Variants in NOS1AP observed in about 807,000 individuals in gnomAD.
NOS1AP encodes nitric oxide synthase 1 adaptor protein.
In NOS1AP, 21 loss-of-function variants were observed where a neutral mutation model predicts 56.2. The ratio of observed to expected loss-of-function variants is 0.37; its 90% CI spans 0.26 to 0.54. The LOEUF is 0.54. Ranked by LOEUF, NOS1AP falls within the 20% of genes least tolerant of loss-of-function variation. NOS1AP has a pLI of 0.84. For missense variants in NOS1AP, 522 were observed against 657.8 expected (o/e 0.79, Z 2.26); for synonymous variants, 270 against 274.6 (o/e 0.98, Z 0.17).
intron 1 of NOS1AP, among the ~76,000 whole-genome samples, chr1:162,152,726 G>A (rs894801974): frequency 6.6e-6 from 1 of 152,116 alleles, no homozygotes; most frequent in African/African-American, 2.4e-5. Flanking sequence ...AGCACAAACT[G>A]TTGATCAATA....
chr1:162,354,101 A>C (rs1392080803), intron 6 of NOS1AP, among the ~76,000 whole-genome samples: 3 of 152,218 alleles, frequency 2.0e-5, no homozygotes, highest in Non-Finnish European at 2.9e-5. Context: ...GTAGGTTTGC[A>C]TAGGAAAACT....
intron 2 of NOS1AP, among the ~76,000 whole-genome samples, chr1:162,162,599 TG>T (rs1171538894): frequency 6.6e-6 from 1 of 152,242 alleles, no homozygotes; most frequent in African/African-American, 2.4e-5. Context: ...ATTCCTGTTG[TG>T]AGCAGTGATA....
chr1:162,113,660 TAAAC>T (rs1478943538), intron 1 of NOS1AP, among the ~76,000 whole-genome samples: 1 of 152,080 alleles, frequency 6.6e-6, no homozygotes, highest in Non-Finnish European at 1.5e-5. Flanking sequence ...CACACACTTT[TAAAC>T]AACCACATCT....
intron 2 of NOS1AP, among the ~76,000 whole-genome samples, chr1:162,218,748 C>T (rs1652666752): frequency 6.6e-6 from 1 of 152,012 alleles, no homozygotes; most frequent in South Asian, 2.1e-4. Context: ...CAGGAGTGTC[C>T]CGGGCACCCT....
chr1:162,096,795 C>G (rs1007066921), intron 1 of NOS1AP, among the ~76,000 whole-genome samples: 2 of 152,082 alleles, frequency 1.3e-5, no homozygotes, highest in African/African-American at 4.8e-5. Flanking sequence ...AATCTTATTC[C>G]ATTGTATAGA....
At chr1:162,207,437 G>C (rs1387320626) in intron 2 of NOS1AP, among the ~76,000 whole-genome samples, 2 of 152,212 alleles carry the variant, frequency 1.3e-5, no homozygotes, top group African/African-American at 2.4e-5. Context: ...AGGTTAGTGT[G>C]GGAACAGCAG....
chr1:162,337,543 A>G (rs1195546810), intron 5 of NOS1AP, among the ~76,000 whole-genome samples: 2 of 152,194 alleles, frequency 1.3e-5, no homozygotes, highest in Non-Finnish European at 2.9e-5. Context: ...CTCAGAACTC[A>G]TCTAGTCTGA....
At chr1:162,073,102 A>T (rs1406363591) in intron 1 of NOS1AP, among the ~76,000 whole-genome samples, 1 of 152,212 alleles carries the variant, frequency 6.6e-6, no homozygotes, top group African/African-American at 2.4e-5. Context: ...CTGTGCACTT[A>T]AAAACCCATG....
chr1:162,126,044 G>A (rs1039493793), intron 1 of NOS1AP, among the ~76,000 whole-genome samples: 4 of 151,956 alleles, frequency 2.6e-5, no homozygotes, highest in Non-Finnish European at 5.9e-5. Context: ...TGCATTTATT[G>A]TAAAAGGAAT....
intron 2 of NOS1AP, among the ~76,000 whole-genome samples, chr1:162,267,673 G>A (rs1207348073): frequency 6.6e-6 from 1 of 152,100 alleles, no homozygotes. Context: ...TGAGGCAGGA[G>A]GATCACTTGA....
chr1:162,169,549 T>G (rs1443553965), intron 2 of NOS1AP, among the ~76,000 whole-genome samples: 3 of 152,184 alleles, frequency 2.0e-5, no homozygotes, highest in Non-Finnish European at 4.4e-5. Flanking sequence ...TACCCTTGTC[T>G]CTGGAGAGGC....
At chr1:162,213,037 G>A (rs996135819) in intron 2 of NOS1AP, among the ~76,000 whole-genome samples, 1 of 152,144 alleles carries the variant, frequency 6.6e-6, no homozygotes, top group Non-Finnish European at 1.5e-5. Context: ...TGGATCTGGG[G>A]CATTGTGTCT....
At chr1:162,364,449 T>C (rs1206602466) in intron 8 of NOS1AP, 2 of 985,478 alleles carry the variant, frequency 2.0e-6, no homozygotes, top group East Asian at 1.1e-4. Context: ...ACTCAGTTTC[T>C]TCAAACCAGG....
chr1:162,311,188 T>TTA (rs1557873345), intron 4 of NOS1AP, among the ~76,000 whole-genome samples: 3 of 152,120 alleles, frequency 2.0e-5, no homozygotes, highest in African/African-American at 7.2e-5. Flanking sequence ...ACATTTACCC[T>TTA]TGCATTCCCC....
chr1:162,287,243 C>G lies in NOS1AP; in HGVS notation c.178-101C>G, dbSNP rs10800405. ...TGCCCCCAGGAGCTATTCCCCACAC[C>G]TGTCTGGGGACCTTTTTTCCAGGCA... On this transcript the variant is annotated intron_variant, in intron 2 of 9. Transcript: ENST00000361897. 227,446 of 808,154 alleles carry G rather than the reference C, an allele frequency of 0.28. 35,017 individuals carry two copies. Among genetic ancestry groups the G allele is most frequent in the East Asian group, 0.56 (22,499 of 40,534 alleles). 50.1% of individuals were successfully genotyped at this position (808,154 alleles called of 1,614,324 possible). A position where few individuals can be genotyped will look rare whatever the true frequency, so the allele number is the denominator to read the frequency against.
intron 2 of NOS1AP, among the ~76,000 whole-genome samples, chr1:162,230,212 C>T (rs1251935889): frequency 6.6e-6 from 1 of 152,142 alleles, no homozygotes; most frequent in African/African-American, 2.4e-5. Flanking sequence ...AGGAAGCTGT[C>T]CACTGGGGCG....
intron 2 of NOS1AP, among the ~76,000 whole-genome samples, chr1:162,213,797 G>A (rs999368048): frequency 1.3e-5 from 2 of 152,234 alleles, no homozygotes; most frequent in African/African-American, 4.8e-5. Context: ...GCCGCCGCTC[G>A]TGTAGTTCTG....
At chr1:162,181,909 TAAG>T (rs1179584404) in intron 2 of NOS1AP, among the ~76,000 whole-genome samples, 1 of 152,238 alleles carries the variant, frequency 6.6e-6, no homozygotes, top group Non-Finnish European at 1.5e-5. Flanking sequence ...GGGGATGACC[TAAG>T]AAGGCCAGCT....
At chr1:162,086,984 C>A (rs1402978656) in intron 1 of NOS1AP, among the ~76,000 whole-genome samples, 1 of 152,180 alleles carries the variant, frequency 6.6e-6, no homozygotes, top group African/African-American at 2.4e-5. Context: ...TACCTGTGTG[C>A]TTCCTTGTAT....
Sources: allele counts gnomAD v4.1 joint callset (sites outside exome capture counted in the v4.1 genomes callset), GRCh38; gene constraint gnomAD v4.1.1; transcripts MANE v1.5; gene names NCBI Gene and HGNC (gene_info 2026-07-23, HGNC 2026-07-21).